The following IPO11 variants were observed in gnomAD, a reference collection of about 807,000 sequenced individuals.
IPO11 encodes importin-11.
IPO11 carries 66 observed loss-of-function variants against 143.2 expected under a neutral mutation model. The observed-to-expected ratio is 0.46, with a 90% CI of 0.38 to 0.57. The LOEUF is 0.57. IPO11 is among the 20% of genes least tolerant of loss of function. The pLI is 0.00. For missense variants in IPO11, 1,026 were observed against 1,141.0 expected (o/e 0.90, Z 1.45); for synonymous variants, 385 against 377.8 (o/e 1.02, Z -0.22).
intron 10 of IPO11, 87 bp downstream of exon 10, chr5:62,483,380 C>G (rs899772725): frequency 3.7e-5 from 28 of 766,354 alleles, no homozygotes; most frequent in Non-Finnish European, 5.2e-5. Flanking sequence ...TAAAAAATGT[C>G]ATTTTAGTCT....
intron 26 of IPO11, among the ~76,000 whole-genome samples, chr5:62,557,057 G>T (rs997562279): frequency 5.3e-5 from 8 of 152,094 alleles, no homozygotes; most frequent in African/African-American, 1.9e-4. Context: ...TGAATATCTT[G>T]GGTTTTCACC....
At chr5:62,427,765 C>T (rs1743811671) in intron 1 of IPO11, among the ~76,000 whole-genome samples, 1 of 152,166 alleles carries the variant, frequency 6.6e-6, no homozygotes. Flanking sequence ...ACTGCCCTGC[C>T]CCATCTGTGG....
At chr5:62,563,923 GA>G (rs933429961) in intron 27 of IPO11, among the ~76,000 whole-genome samples, 2 of 152,142 alleles carry the variant, frequency 1.3e-5, no homozygotes, top group African/African-American at 4.8e-5. Flanking sequence ...ATTAAGACTT[GA>G]AATTCTCTTA....
At chr5:62,433,405 C>T (rs1028767706) in intron 1 of IPO11, among the ~76,000 whole-genome samples, 4 of 152,066 alleles carry the variant, frequency 2.6e-5, no homozygotes, top group Non-Finnish European at 5.9e-5. Context: ...ACTGTAGGCA[C>T]GTTCGTATAT....
At chr5:62,424,388 C>G (rs1403635109) in intron 1 of IPO11, among the ~76,000 whole-genome samples, 1 of 151,834 alleles carries the variant, frequency 6.6e-6, no homozygotes, top group Non-Finnish European at 1.5e-5. Context: ...ATCCGCCCGC[C>G]GGGGCCTCCC....
rs1198735704 is a variant in IPO11 at position 62,624,538 on chromosome 5, C to T, written c.2764-2616C>T. Among the ~76,000 whole-genome samples, 8 of 152,096 alleles carry T rather than the reference C, an allele frequency of 5.3e-5. No homozygotes were observed. The East Asian group carries it at 1.5e-3, about 29-fold the overall frequency. On this transcript the variant is annotated intron_variant, in intron 29 of 29. Coordinates refer to ENST00000325324, the MANE Select transcript of IPO11 (RefSeq NM_016338.5). ...CCATCTTGGTTTTGGTGGGTTTTAG[C>T]CAGCTTCTTTACCGCAACCTATCTT...
chr5:62,442,755 T>C (rs928804818), intron 2 of IPO11, among the ~76,000 whole-genome samples: 3 of 151,846 alleles, frequency 2.0e-5, no homozygotes, highest in African/African-American at 4.8e-5. Context: ...CCCCAGCTAC[T>C]TGGGAGGCTG....
rs767335795 is a variant in IPO11 at position 62,489,294 on chromosome 5, T to TA, written c.1310-8_1310-7insA. 174 of 1,498,906 alleles carry TA rather than the reference T, an allele frequency of 1.2e-4. No individual in the cohort carries two copies. The highest frequency in any genetic ancestry group is 6.4e-4 in the Middle Eastern group (3 of 4,692). The allele number at this position is 1,498,906 out of a possible 1,614,324, so 92.9% of individuals were successfully genotyped here. ...TTACTGATACCTATTTATATATATA[T>TA]TTTTTAGGACCCACAAATGTGGAAG... On this transcript the variant is annotated splice_polypyrimidine_tract_variant and splice_region_variant and intron_variant, in intron 13 of 29. Coordinates refer to ENST00000325324, the MANE Select transcript of IPO11 (RefSeq NM_016338.5).
intron 1 of IPO11, among the ~76,000 whole-genome samples, chr5:62,424,889 TA>T (rs1281523331): frequency 2.6e-5 from 4 of 152,228 alleles, no homozygotes; most frequent in Admixed American, 6.5e-5. Context: ...ATTATATTTT[TA>T]AAAATTACTT....
At chr5:62,593,788 T>C (rs540289699) in intron 28 of IPO11, among the ~76,000 whole-genome samples, 31 of 152,306 alleles carry the variant, frequency 2.0e-4, no homozygotes, top group African/African-American at 6.7e-4. Context: ...AGAAACACAG[T>C]TGAGAAATAA....
intron 27 of IPO11, among the ~76,000 whole-genome samples, chr5:62,584,095 T>C (rs1343510789): frequency 6.6e-6 from 1 of 152,240 alleles, no homozygotes; most frequent in African/African-American, 2.4e-5. Flanking sequence ...ATCAATAGTA[T>C]TTATTTATAA....
chr5:62,476,912 T>A (rs1250004449), intron 9 of IPO11, among the ~76,000 whole-genome samples, 159 bp downstream of exon 9: 1 of 152,196 alleles, frequency 6.6e-6, no homozygotes, highest in South Asian at 2.1e-4. Flanking sequence ...ATATGTACTT[T>A]AGAATGCATA....
At chr5:62,516,121 A>T (rs146413176) in intron 20 of IPO11, among the ~76,000 whole-genome samples, 168 of 152,298 alleles carry the variant, frequency 1.1e-3, no homozygotes, top group African/African-American at 3.7e-3. Context: ...GATTTTACTG[A>T]CTTCACCCAC....
intron 16 of IPO11, among the ~76,000 whole-genome samples, chr5:62,504,276 C>T (rs1179360852): frequency 6.6e-6 from 1 of 152,130 alleles, no homozygotes; most frequent in Non-Finnish European, 1.5e-5. Context: ...CACCTCCTTC[C>T]TTCCTTGTCT....
At chr5:62,503,951 A>G (rs1741450748) in intron 16 of IPO11, among the ~76,000 whole-genome samples, 1 of 152,226 alleles carries the variant, frequency 6.6e-6, no homozygotes, top group South Asian at 2.1e-4. Context: ...ACAGATTGAA[A>G]TATAGAATTT....
intron 29 of IPO11, among the ~76,000 whole-genome samples, chr5:62,602,997 C>T (rs928785667): frequency 6.6e-6 from 1 of 152,130 alleles, no homozygotes; most frequent in African/African-American, 2.4e-5. Context: ...TTTCTTCCCC[C>T]AAAACAATGT....
At chr5:62,495,539 A>G (rs902548381) in intron 16 of IPO11, among the ~76,000 whole-genome samples, 2 of 152,156 alleles carry the variant, frequency 1.3e-5, no homozygotes, top group South Asian at 2.1e-4. Flanking sequence ...CAGTGATACT[A>G]TCACGGCTCA....
chr5:62,555,234 G>C (rs895243915), intron 26 of IPO11, among the ~76,000 whole-genome samples: 1 of 151,464 alleles, frequency 6.6e-6, no homozygotes, highest in South Asian at 2.1e-4. Flanking sequence ...ACCAATTCAC[G>C]AACATGGTGT....
At chr5:62,441,697 G>C (rs1413577126) in intron 2 of IPO11, among the ~76,000 whole-genome samples, 1 of 149,638 alleles carries the variant, frequency 6.7e-6, no homozygotes, top group African/African-American at 2.5e-5. Flanking sequence ...TGTATTTTTA[G>C]TAGAGATGGG....
Sources: gnomAD v4.1 joint callset for allele counts (sites outside exome capture counted in the v4.1 genomes callset) on GRCh38, gnomAD v4.1.1 for gene constraint, MANE v1.5 for transcripts, NCBI Gene and HGNC (gene_info 2026-07-23, HGNC 2026-07-21) for gene names.